The following ISM1 variants were observed in gnomAD, a reference collection of about 807,000 sequenced individuals.
The protein encoded by ISM1 is isthmin 1, also known as isthmin-1.
ISM1 carries 25 observed loss-of-function variants against 46.3 expected under a neutral mutation model. The ratio of observed to expected loss-of-function variants is 0.54; its 90% CI spans 0.39 to 0.75. The LOEUF is 0.75. Ranked by LOEUF, ISM1 falls within the 30% of genes least tolerant of loss-of-function variation. The pLI is 0.00. For synonymous variants in ISM1, 255 were observed against 256.7 expected, an observed-to-expected ratio of 0.99 and a Z score of 0.06; for missense variants, 536 against 625.4, an observed-to-expected ratio of 0.86 and a Z score of 1.52.
chr20:13,224,472 A>G (rs1397668661), intron 1 of ISM1, among the ~76,000 whole-genome samples: 1 of 152,190 alleles, frequency 6.6e-6, no homozygotes, highest in African/African-American at 2.4e-5. Context: ...TTTTTACCAG[A>G]CATTTTAAAC....
rs1568684137 is a variant in ISM1 at position 13,279,795 on chromosome 20, C to CGACA, written c.542_545dup (p.Ser182ArgfsTer27). The CGACA allele has an allele frequency of 6.2e-7, 1 of 1,614,016 alleles. No homozygotes were observed. ...ACAGCGGGGACCAGGACTACAAGTA[C>CGACA]GACAGTACCTCAGACGACAGCAACT... On this transcript the variant is annotated frameshift_variant, in exon 3 of 6. Coordinates refer to ENST00000262487, the MANE Select transcript of ISM1 (RefSeq NM_080826.2). LOFTEE classifies it high-confidence loss of function.
At chr20:13,281,708 A>G (rs2040239895) in intron 3 of ISM1, among the ~76,000 whole-genome samples, 1 of 152,160 alleles carries the variant, frequency 6.6e-6, no homozygotes, top group Non-Finnish European at 1.5e-5. Context: ...TTAGGTTGGA[A>G]GATAGGAATG....
chr20:13,259,049 G>A (rs901648226), intron 1 of ISM1, among the ~76,000 whole-genome samples: 4 of 152,142 alleles, frequency 2.6e-5, no homozygotes, highest in Admixed American at 6.5e-5. Context: ...TTGGGAGGCC[G>A]AGGCGGGTGG....
chr20:13,247,524 G>GTGTGTGTC (rs200890856), intron 1 of ISM1, among the ~76,000 whole-genome samples: 1,752 of 117,576 alleles, frequency 0.015, 43 homozygotes, highest in African/African-American at 0.044. Flanking sequence ...AGGGGTGTGT[G>GTGTGTGTC]TGTGTGTGTG....
intron 2 of ISM1, among the ~76,000 whole-genome samples, chr20:13,274,371 G>A (rs56856877): frequency 1.3e-5 from 2 of 152,086 alleles, no homozygotes; most frequent in Non-Finnish European, 2.9e-5. Context: ...CCTCTCCCTG[G>A]GTAGCAGAGT....
intron 1 of ISM1, among the ~76,000 whole-genome samples, chr20:13,269,242 T>C (rs11907045): frequency 0.24 from 36,902 of 151,954 alleles, 4,891 homozygotes; most frequent in African/African-American, 0.36. Context: ...AACATGAAAA[T>C]GCTATCCCTG....
chr20:13,286,312 G>A (rs954151179), intron 3 of ISM1, among the ~76,000 whole-genome samples: 3 of 151,800 alleles, frequency 2.0e-5, no homozygotes, highest in African/African-American at 7.3e-5. Flanking sequence ...ACACCAGACT[G>A]CAAAGTTCTC....
intron 2 of ISM1, 36 bp from the exon 3 acceptor site, chr20:13,279,596 GAC>G: frequency 6.3e-7 from 1 of 1,583,900 alleles, no homozygotes; most frequent in Admixed American, 1.7e-5. Context: ...GGAGGCTGTT[GAC>G]TCCACACTGA....
chr20:13,305,988 C>G, the ISM1 span, among the ~76,000 whole-genome samples: 1 of 152,088 alleles, frequency 6.6e-6, no homozygotes, highest in African/African-American at 2.4e-5. Flanking sequence ...AATAGCAAAG[C>G]TGGGTAAGAA....
chr20:13,250,299 C>T (rs1280627024), intron 1 of ISM1, among the ~76,000 whole-genome samples: 1 of 152,176 alleles, frequency 6.6e-6, no homozygotes, highest in East Asian at 1.9e-4. Context: ...TACTAGCTTT[C>T]AAGGATGTGG....
intron 2 of ISM1, among the ~76,000 whole-genome samples, chr20:13,273,180 A>C (rs2040135174): frequency 1.5e-5 from 2 of 136,798 alleles, no homozygotes; most frequent in African/African-American, 5.5e-5. Context: ...TCTGTCTGAA[A>C]ATTCCCATTC....
chr20:13,229,321 A>G (rs921463125), intron 1 of ISM1, among the ~76,000 whole-genome samples: 4 of 152,198 alleles, frequency 2.6e-5, no homozygotes, highest in East Asian at 1.9e-4. Flanking sequence ...CTAGTGCACA[A>G]TTGTAGGCAA....
intron 1 of ISM1, among the ~76,000 whole-genome samples, chr20:13,269,215 G>A (rs2040083000): frequency 6.6e-6 from 1 of 152,096 alleles, no homozygotes; most frequent in Non-Finnish European, 1.5e-5. Context: ...CTATCTCCTT[G>A]TCTCTCTCCA....
chr20:13,250,721 T>G (rs2123192530), intron 1 of ISM1, among the ~76,000 whole-genome samples: 1 of 152,354 alleles, frequency 6.6e-6, no homozygotes, highest in East Asian at 1.9e-4. Flanking sequence ...CTATTGTATT[T>G]CCAGTCTTTG....
At chr20:13,260,714 C>T (rs1049826443) in intron 1 of ISM1, among the ~76,000 whole-genome samples, 2 of 151,944 alleles carry the variant, frequency 1.3e-5, no homozygotes, top group Non-Finnish European at 2.9e-5. Flanking sequence ...TTCTGCAACT[C>T]TCATTCTACC....
intron 2 of ISM1, among the ~76,000 whole-genome samples, chr20:13,274,779 G>A (rs923535487): frequency 6.6e-6 from 1 of 151,934 alleles, no homozygotes; most frequent in Non-Finnish European, 1.5e-5. Flanking sequence ...AAGTCAGGCA[G>A]CCTCGGTCCC....
intron 3 of ISM1, among the ~76,000 whole-genome samples, chr20:13,282,128 A>G (rs537519270): frequency 6.6e-6 from 1 of 152,028 alleles, no homozygotes; most frequent in South Asian, 2.1e-4. Flanking sequence ...TTGATTGCTC[A>G]TTATACTCAC....
chr20:13,294,301 C>T (rs1337082661), intron 5 of ISM1, among the ~76,000 whole-genome samples: 1 of 152,206 alleles, frequency 6.6e-6, no homozygotes, highest in African/African-American at 2.4e-5. Context: ...TCTACCTCAT[C>T]CCTCCAATCC....
At chr20:13,314,315 TA>T in the ISM1 span, among the ~76,000 whole-genome samples, 1 of 151,664 alleles carries the variant, frequency 6.6e-6, no homozygotes, top group African/African-American at 2.4e-5. Flanking sequence ...GAAAAACCCC[TA>T]CACCTAGGCA....
Sources: gnomAD v4.1 joint callset for allele counts (sites outside exome capture counted in the v4.1 genomes callset) on GRCh38, gnomAD v4.1.1 for gene constraint, MANE v1.5 for transcripts, NCBI Gene and HGNC (gene_info 2026-07-23, HGNC 2026-07-21) for gene names.